Variants in SIPA1L1 observed in about 807,000 individuals in gnomAD.
SIPA1L1 encodes signal induced proliferation associated 1 like 1, also known as signal-induced proliferation-associated 1-like protein 1.
SIPA1L1 carries 26 observed loss-of-function variants against 162.7 expected under a neutral mutation model. That is an observed-to-expected ratio of 0.16 (90% CI 0.12 to 0.22). The LOEUF is 0.22. SIPA1L1 is among the 10% of genes least tolerant of loss of function. SIPA1L1 has a pLI of 1.00. For synonymous variants in SIPA1L1, 829 were observed against 837.4 expected, an observed-to-expected ratio of 0.99 and a Z score of 0.17; for missense variants, 1,874 against 2,241.0, an observed-to-expected ratio of 0.84 and a Z score of 3.31.
chr14:71,520,008 A>G (rs995576961), intron 3 of SIPA1L1, among the ~76,000 whole-genome samples: 4 of 152,162 alleles, frequency 2.6e-5, no homozygotes, highest in Non-Finnish European at 5.9e-5. Flanking sequence ...GGCTGAGGAC[A>G]GAAGGATTGC....
At chr14:71,437,042 G>A (rs141076117) in intron 2 of SIPA1L1, among the ~76,000 whole-genome samples, 5,595 of 152,014 alleles carry the variant, frequency 0.037, 178 homozygotes, top group African/African-American at 0.069. Context: ...GGGATTACAG[G>A]CATGAGCTGC....
intron 2 of SIPA1L1, among the ~76,000 whole-genome samples, chr14:71,410,737 C>T (rs1488932517): frequency 6.6e-6 from 1 of 152,080 alleles, no homozygotes; most frequent in African/African-American, 2.4e-5. Context: ...GGTTCTAGTT[C>T]ACAAAATTGT....
chr14:71,528,497 A>T (rs1218724462), intron 3 of SIPA1L1, among the ~76,000 whole-genome samples: 1 of 151,960 alleles, frequency 6.6e-6, no homozygotes, highest in Non-Finnish European at 1.5e-5. Flanking sequence ...TCTACTAAAA[A>T]TACAAAAATT....
chr14:71,726,068 G>A (rs2084216790), intron 19 of SIPA1L1, among the ~76,000 whole-genome samples: 1 of 152,174 alleles, frequency 6.6e-6, no homozygotes, highest in African/African-American at 2.4e-5. Flanking sequence ...AGATAGGCCA[G>A]ATAAACCCCC....
chr14:71,585,907 G>A (rs2034537279), intron 4 of SIPA1L1, among the ~76,000 whole-genome samples: 1 of 152,080 alleles, frequency 6.6e-6, no homozygotes, highest in South Asian at 2.1e-4. Context: ...CCTTTGCTAT[G>A]GCCATATATG....
intron 6 of SIPA1L1, among the ~76,000 whole-genome samples, chr14:71,619,696 C>T (rs563151569): frequency 3.4e-4 from 52 of 152,020 alleles, no homozygotes; most frequent in African/African-American, 9.6e-4. Context: ...TACTTAATAC[C>T]CTTGAGTCAT....
chr14:71,634,803 G>A (rs1308690725), intron 7 of SIPA1L1, among the ~76,000 whole-genome samples: 1 of 151,920 alleles, frequency 6.6e-6, no homozygotes, highest in Non-Finnish European at 1.5e-5. Flanking sequence ...AGGCGTGGTG[G>A]CAGGAGCCTG....
At chr14:71,577,380 T>C (rs1161759068) in intron 4 of SIPA1L1, among the ~76,000 whole-genome samples, 1 of 141,552 alleles carries the variant, frequency 7.1e-6, no homozygotes, top group Non-Finnish European at 1.5e-5. Context: ...TGAGCACTTA[T>C]TTTTTTTTTT....
chr14:71,456,631 A>T (rs1274190193), intron 2 of SIPA1L1, among the ~76,000 whole-genome samples: 2 of 152,246 alleles, frequency 1.3e-5, no homozygotes, highest in Non-Finnish European at 2.9e-5. Flanking sequence ...TTATTATTAC[A>T]GAAGAGTTAA....
chr14:71,376,980 A>C (rs2039431847), intron 2 of SIPA1L1, among the ~76,000 whole-genome samples: 1 of 152,156 alleles, frequency 6.6e-6, no homozygotes, highest in Non-Finnish European at 1.5e-5. Flanking sequence ...TCTTTTCCCC[A>C]CATTTCCCCC....
intron 4 of SIPA1L1, among the ~76,000 whole-genome samples, chr14:71,567,435 C>G (rs946302487): frequency 4.0e-5 from 6 of 151,230 alleles, no homozygotes; most frequent in Admixed American, 6.6e-5. Flanking sequence ...TTTGTAGCAA[C>G]GTGGAGAAAT....
At chr14:71,720,228 T>G (rs886221658) in intron 17 of SIPA1L1, among the ~76,000 whole-genome samples, 1 of 152,208 alleles carries the variant, frequency 6.6e-6, no homozygotes, top group African/African-American at 2.4e-5. Flanking sequence ...TGAATAAACT[T>G]TGTGCCCCGA....
intron 7 of SIPA1L1, among the ~76,000 whole-genome samples, chr14:71,647,555 G>A (rs778683947): frequency 6.6e-6 from 1 of 151,984 alleles, no homozygotes; most frequent in Admixed American, 6.6e-5. Context: ...TGTTGCAAGC[G>A]AAGGCTGTTC....
chr14:71,428,202 G>T (rs1163097829), intron 2 of SIPA1L1, among the ~76,000 whole-genome samples: 1 of 151,602 alleles, frequency 6.6e-6, no homozygotes, highest in Non-Finnish European at 1.5e-5. Context: ...TGCCATGTTG[G>T]CCAGGCTGGT....
rs781645546 is a variant in SIPA1L1 at position 71,698,950 on chromosome 14, T to C, written c.3375-31T>C. The C allele has an allele frequency of 5.6e-6, 9 of 1,613,584 alleles. No homozygotes were observed. In the East Asian group the frequency reaches 6.7e-5, roughly 12 times the overall value. ...GCCTTGGGATTTTCCCTTTGAATTG[T>C]TGACTTCATGTTTTTGTATTGCACA... On this transcript the variant is annotated intron_variant, in intron 13 of 23. Coordinates refer to ENST00000381232, the MANE Select transcript of SIPA1L1 (RefSeq NM_001386936.1).
intron 2 of SIPA1L1, among the ~76,000 whole-genome samples, chr14:71,426,239 T>C (rs961005200): frequency 2.0e-5 from 3 of 152,178 alleles, no homozygotes; most frequent in African/African-American, 7.2e-5. Flanking sequence ...CATTTACATT[T>C]AAAGTAATGA....
intron 12 of SIPA1L1, among the ~76,000 whole-genome samples, chr14:71,675,373 C>T (rs1265652041): frequency 8.3e-6 from 1 of 120,414 alleles, no homozygotes; most frequent in Non-Finnish European, 1.9e-5. Flanking sequence ...ATCTGAAAAG[C>T]CATACAGTTT....
At position 71,425,421 on chromosome 14, in the gene SIPA1L1, G is replaced by T. The variant is rs118012101; in HGVS notation, c.-464-87322G>T. Among the ~76,000 whole-genome samples, 602 of 151,946 alleles carry T rather than the reference G, an allele frequency of 4.0e-3. 2 individuals carry two copies. The highest frequency in any genetic ancestry group is 6.6e-3 in the Admixed American group (101 of 15,274). ...TTTTGGCATTTGTGTTTTCATTTTTGTTCAAGTCTTAAGTATTTTCTAATT... is the reference window on the plus strand; with the variant it reads ...TTTTGGCATTTGTGTTTTCATTTTTTTTCAAGTCTTAAGTATTTTCTAATT... On this transcript the variant is annotated intron_variant, in intron 2 of 23. Transcript: ENST00000381232.
chr14:71,640,309 G>C (rs1244016217), intron 7 of SIPA1L1, among the ~76,000 whole-genome samples: 1 of 152,136 alleles, frequency 6.6e-6, no homozygotes, highest in East Asian at 1.9e-4. Flanking sequence ...AAATCTTTGG[G>C]ACCTTCAGCT....
Sources: allele counts gnomAD v4.1 joint callset (sites outside exome capture counted in the v4.1 genomes callset), GRCh38; gene constraint gnomAD v4.1.1; transcripts MANE v1.5; gene names NCBI Gene and HGNC (gene_info 2026-07-23, HGNC 2026-07-21).